UBE2D2: variants seen among roughly 807,000 people sequenced by gnomAD.
The protein encoded by UBE2D2 is ubiquitin conjugating enzyme E2 D2.
In UBE2D2, 2 loss-of-function variants were observed where a neutral mutation model predicts 24.2. The ratio of observed to expected loss-of-function variants is 0.08; its 90% CI spans 0.03 to 0.26. The LOEUF is 0.26. UBE2D2 is among the 10% of genes least tolerant of loss of function. The probability of loss-of-function intolerance (pLI) is 1.00; values close to 1 mark genes in which losing one functional copy is unlikely to be tolerated. For missense variants in UBE2D2, 44 were observed against 177.6 expected, an observed-to-expected ratio of 0.25 and a Z score of 4.28; for synonymous variants, 58 against 56.5, an observed-to-expected ratio of 1.03 and a Z score of -0.12.
At chr5:139,609,800 C>T (rs1290560661) in intron 2 of UBE2D2, among the ~76,000 whole-genome samples, 2 of 135,426 alleles carry the variant, frequency 1.5e-5, no homozygotes, top group African/African-American at 2.8e-5. Context: ...GAGATGGAGT[C>T]TCGCACTGTT....
chr5:139,533,522 C>T (rs1019509077), intron 1 of UBE2D2, among the ~76,000 whole-genome samples: 3 of 150,714 alleles, frequency 2.0e-5, no homozygotes, highest in South Asian at 4.2e-4. Flanking sequence ...TGGTGTCTGG[C>T]GCCGTTAATC....
intron 1 of UBE2D2, among the ~76,000 whole-genome samples, chr5:139,587,527 AAAAT>A (rs1463854145): frequency 6.6e-6 from 1 of 151,994 alleles, no homozygotes; most frequent in Non-Finnish European, 1.5e-5. Flanking sequence ...AAAAATAAAA[AAAAT>A]AGCCGGGCGT....
At chr5:139,596,272 T>C (rs1488903868) in intron 1 of UBE2D2, among the ~76,000 whole-genome samples, 3 of 151,266 alleles carry the variant, frequency 2.0e-5, no homozygotes, top group Admixed American at 6.6e-5. Context: ...AAAAAAGATC[T>C]GTTTCTGAAT....
At chr5:139,551,353 GA>G (rs757633348) in intron 1 of UBE2D2, among the ~76,000 whole-genome samples, 3 of 150,422 alleles carry the variant, frequency 2.0e-5, no homozygotes, top group East Asian at 1.9e-4. Flanking sequence ...CCATCTCAAA[GA>G]AAAAAAAAGA....
chr5:139,593,526 G>C (rs889823468), intron 1 of UBE2D2, among the ~76,000 whole-genome samples: 2 of 151,544 alleles, frequency 1.3e-5, no homozygotes. Flanking sequence ...TGTATACATT[G>C]TTATATATAC....
intron 2 of UBE2D2, chr5:139,612,065 T>C (rs867446396): frequency 6.1e-5 from 10 of 164,640 alleles, no homozygotes; most frequent in Middle Eastern, 2.9e-3. Context: ...TTGTTACATA[T>C]TTGGCATGAG....
intron 1 of UBE2D2, among the ~76,000 whole-genome samples, chr5:139,549,788 C>G (rs1191755395): frequency 6.6e-6 from 1 of 152,336 alleles, no homozygotes; most frequent in Non-Finnish European, 1.5e-5. Context: ...ATCCACTAGG[C>G]GAAGCCAGCT....
chr5:139,623,678 A>C, intron 6 of UBE2D2: 1 of 410,752 alleles, frequency 2.4e-6, no homozygotes, highest in African/African-American at 2.0e-5. Context: ...CCTCTTGTCT[A>C]CAAAAACTTT....
Position 139,628,024 on chromosome 5 carries a change from A to G in UBE2D2, c.*1223A>G, listed in dbSNP as rs144379658. ...TTGGTACATAGGACATAAAACACAG[A>G]GGCATTGCTATTTGGTAAGTTAAGC... On this transcript the variant is annotated 3_prime_UTR_variant, in exon 7 of 7. Transcript: ENST00000398733. 1.3e-5 allele frequency: 2 copies of G among 152,792 alleles called. No individual in the cohort carries two copies. Among genetic ancestry groups the G allele is most frequent in the East Asian group, 3.8e-4 (2 of 5,196 alleles). The allele number at this position is 152,792 out of a possible 1,614,324, so 9.5% of individuals were successfully genotyped here. A position where few individuals can be genotyped will look rare whatever the true frequency, so the allele number is the denominator to read the frequency against.
intron 5 of UBE2D2, among the ~76,000 whole-genome samples, chr5:139,615,478 CTG>C (rs1267137997): frequency 6.6e-6 from 1 of 151,042 alleles, no homozygotes; most frequent in Admixed American, 6.6e-5. Context: ...GAGCGAGACT[CTG>C]TCTCAAAAAA....
At chr5:139,561,839 G>C in intron 1 of UBE2D2, 24 bp downstream of exon 1, 1 of 1,481,350 alleles carries the variant, frequency 6.8e-7, no homozygotes, top group Non-Finnish European at 8.9e-7. Context: ...GGTCGGCTGC[G>C]CTGCTGGCCA....
intron 1 of UBE2D2, among the ~76,000 whole-genome samples, chr5:139,532,969 G>A (rs1465204128): frequency 1.3e-5 from 2 of 151,890 alleles, no homozygotes; most frequent in Non-Finnish European, 1.5e-5. Flanking sequence ...TTAGCTGGGC[G>A]TGGTGGCACT....
Position 139,600,960 on chromosome 5 carries a change from G to A in UBE2D2, c.88+525G>A, listed in dbSNP as rs187586468. The stretch of plus-strand genomic sequence containing the variant: ...TGGGATTACAGGTGCATGCCACCAC[G>A]CCTGATTAATTTTTGTATTTTTAGT... On this transcript the variant is annotated intron_variant, in intron 2 of 6. Coordinates refer to ENST00000398733, the MANE Select transcript of UBE2D2 (RefSeq NM_003339.3). Among the ~76,000 whole-genome samples the A allele has an allele frequency of 5.3e-5, 8 of 152,114 alleles. No individual in the cohort carries two copies. In the South Asian group the frequency reaches 6.2e-4, roughly 12 times the overall value.
At chr5:139,551,890 A>AT (rs1452592064) in intron 1 of UBE2D2, among the ~76,000 whole-genome samples, 1 of 152,208 alleles carries the variant, frequency 6.6e-6, no homozygotes, top group Non-Finnish European at 1.5e-5. Context: ...AGCTACTGTC[A>AT]TTTTTTTACT....
At position 139,609,618 on chromosome 5, in the gene UBE2D2, G is replaced by A. The variant is rs184953058; in HGVS notation, c.89-4968G>A. Among the ~76,000 whole-genome samples the A allele has an allele frequency of 3.2e-4, 48 of 150,060 alleles. 1 individual carries two copies. The East Asian group carries it at 8.0e-3, about 25-fold the overall frequency. On this transcript the variant is annotated intron_variant, in intron 2 of 6. Coordinates refer to ENST00000398733, the MANE Select transcript of UBE2D2 (RefSeq NM_003339.3). Reference sequence around the variant, plus strand: ...ACTCCCAACCTCAGGTGATCCGCTCGCCTCGGCCTCCCAAAGTGCTGGGAT... The same window carrying A: ...ACTCCCAACCTCAGGTGATCCGCTCACCTCGGCCTCCCAAAGTGCTGGGAT...
chr5:139,605,591 C>CAAAAAAAAA (rs70988710), intron 2 of UBE2D2, among the ~76,000 whole-genome samples: 174 of 44,368 alleles, frequency 3.9e-3, no homozygotes, highest in Non-Finnish European at 4.4e-3. Flanking sequence ...GACTCTGTCT[C>CAAAAAAAAA]AAAAAAAAAA....
intron 1 of UBE2D2, among the ~76,000 whole-genome samples, chr5:139,548,350 T>C (rs752720199): frequency 3.3e-5 from 5 of 151,874 alleles, no homozygotes; most frequent in African/African-American, 7.2e-5. Flanking sequence ...GGACTGTCTG[T>C]GGATTGAACC....
chr5:139,576,703 G>A (rs1180505853), intron 1 of UBE2D2, among the ~76,000 whole-genome samples: 1 of 152,000 alleles, frequency 6.6e-6, no homozygotes, highest in Non-Finnish European at 1.5e-5. Flanking sequence ...GATGATACTT[G>A]ATTAAATGCC....
rs199662706 is a variant in UBE2D2 at position 139,580,045 on chromosome 5, C to CAAAAAA, written c.24+18241_24+18246dup. On this transcript the variant is annotated intron_variant, in intron 1 of 6. Coordinates refer to ENST00000398733, the MANE Select transcript of UBE2D2 (RefSeq NM_003339.3). ...TGGGCAACAGAGCGAGACTCCCTCTCAAAAAAAAAAAAAAAAGTTGTTCCC... is the reference window on the plus strand; with the variant it reads ...TGGGCAACAGAGCGAGACTCCCTCTCAAAAAAAAAAAAAAAAAAAAAAGTTGTTCCC... Among the ~76,000 whole-genome samples, 219 of 116,958 alleles carry CAAAAAA rather than the reference C, an allele frequency of 1.9e-3. 1 individual carries two copies. The highest frequency in any genetic ancestry group is 5.9e-3 in the African/African-American group (184 of 31,390). 76.7% of individuals were successfully genotyped at this position (116,958 alleles called of 152,430 possible).
Sources: allele counts gnomAD v4.1 joint callset (sites outside exome capture counted in the v4.1 genomes callset), GRCh38; gene constraint gnomAD v4.1.1; transcripts MANE v1.5; gene names NCBI Gene and HGNC (gene_info 2026-07-23, HGNC 2026-07-21).